ANKS1B: variants seen among roughly 807,000 people sequenced by gnomAD.
The protein encoded by ANKS1B is ankyrin repeat and sterile alpha motif domain containing 1B.
ANKS1B carries 36 observed loss-of-function variants against 148.3 expected under a neutral mutation model. That is an observed-to-expected ratio of 0.24 (90% CI 0.19 to 0.32). The LOEUF (loss-of-function observed/expected upper bound fraction) is 0.32. Among genes scored for constraint, ANKS1B ranks in the 10% least tolerant of loss-of-function variants. ANKS1B has a pLI of 1.00. For synonymous variants in ANKS1B, 542 were observed against 560.8 expected, an observed-to-expected ratio of 0.97 and a Z score of 0.47; for missense variants, 1,157 against 1,542.6, an observed-to-expected ratio of 0.75 and a Z score of 4.19.
intron 1 of ANKS1B, among the ~76,000 whole-genome samples, chr12:99,860,424 G>A (rs1002886145): frequency 6.6e-6 from 1 of 152,224 alleles, no homozygotes; most frequent in Non-Finnish European, 1.5e-5. Flanking sequence ...GGAAGGTGGA[G>A]TTTGATGGGA....
intron 10 of ANKS1B, among the ~76,000 whole-genome samples, chr12:99,500,389 G>A (rs1280233569): frequency 2.6e-5 from 4 of 152,172 alleles, no homozygotes; most frequent in Non-Finnish European, 5.9e-5. Flanking sequence ...AAGGCCTCCA[G>A]TCCATTGCCT....
chr12:99,295,925 A>G (rs2080810959), intron 12 of ANKS1B, among the ~76,000 whole-genome samples: 1 of 152,236 alleles, frequency 6.6e-6, no homozygotes, highest in South Asian at 2.1e-4. Context: ...CCTAACCCAA[A>G]GTCACAAAGT....
chr12:99,419,531 A>G (rs1224750719), intron 11 of ANKS1B, among the ~76,000 whole-genome samples: 1 of 152,212 alleles, frequency 6.6e-6, no homozygotes, highest in Non-Finnish European at 1.5e-5. Context: ...AAATAACAAT[A>G]TAATGATTTA....
intron 12 of ANKS1B, among the ~76,000 whole-genome samples, chr12:99,283,193 C>T (rs770582103): frequency 3.3e-5 from 5 of 152,040 alleles, no homozygotes; most frequent in African/African-American, 4.8e-5. Flanking sequence ...AAAGAAGTAA[C>T]ATGGGAAAGC....
intron 1 of ANKS1B, among the ~76,000 whole-genome samples, chr12:99,855,310 C>CA (rs2088818212): frequency 6.6e-6 from 1 of 151,866 alleles, no homozygotes; most frequent in Non-Finnish European, 1.5e-5. Context: ...TTTAAAAACA[C>CA]AAAAAGGGAC....
chr12:99,465,959 G>C (rs2096101844), intron 10 of ANKS1B, among the ~76,000 whole-genome samples: 2 of 152,066 alleles, frequency 1.3e-5, no homozygotes, highest in Admixed American at 1.3e-4. Flanking sequence ...GACATCTACA[G>C]AACTCTCCAC....
intron 15 of ANKS1B, chr12:99,093,684 A>G (rs1402885689): frequency 6.6e-6 from 1 of 152,202 alleles, no homozygotes; most frequent in East Asian, 1.9e-4. Context: ...AAGGTGGATA[A>G]TTTAGCCCTC....
At chr12:98,908,229 C>G (rs752229871) in intron 17 of ANKS1B, among the ~76,000 whole-genome samples, 2 of 152,158 alleles carry the variant, frequency 1.3e-5, no homozygotes, top group Non-Finnish European at 2.9e-5. Flanking sequence ...CTCACAGTTT[C>G]ATTTTATACC....
intron 14 of ANKS1B, among the ~76,000 whole-genome samples, chr12:99,220,572 A>G (rs149549249): frequency 0.069 from 10,080 of 146,146 alleles, 1,129 homozygotes; most frequent in African/African-American, 0.24. Context: ...TCAGCCTCCC[A>G]AGCAGCTGGG....
At chr12:99,192,236 A>G (rs956740972) in intron 14 of ANKS1B, among the ~76,000 whole-genome samples, 1 of 152,062 alleles carries the variant, frequency 6.6e-6, no homozygotes, top group East Asian at 1.9e-4. Context: ...GCTTTGATAC[A>G]AATTTTATTG....
chr12:98,752,698 CAGG>C (rs1057161381), intron 25 of ANKS1B, among the ~76,000 whole-genome samples: 1 of 152,182 alleles, frequency 6.6e-6, no homozygotes, highest in African/African-American at 2.4e-5. Context: ...CCAGTGGCCC[CAGG>C]AGCCCACACC....
chr12:99,857,251 A>G (rs1026006252), intron 1 of ANKS1B, among the ~76,000 whole-genome samples: 2 of 152,198 alleles, frequency 1.3e-5, no homozygotes, highest in Non-Finnish European at 2.9e-5. Context: ...TTCCAAGCTG[A>G]GAATCAAATC....
intron 15 of ANKS1B, among the ~76,000 whole-genome samples, chr12:99,105,787 A>G (rs1202156979): frequency 6.6e-6 from 1 of 151,674 alleles, no homozygotes; most frequent in Non-Finnish European, 1.5e-5. Context: ...AAAAAAAAAA[A>G]AACTAAAACT....
intron 9 of ANKS1B, among the ~76,000 whole-genome samples, chr12:99,615,795 C>A (rs147195596): frequency 0.015 from 2,338 of 152,118 alleles, 56 homozygotes; most frequent in African/African-American, 0.053. Context: ...CTGGCCAGGG[C>A]AATCAGGCAA....
intron 8 of ANKS1B, among the ~76,000 whole-genome samples, chr12:99,674,120 G>A (rs1011508818): frequency 6.6e-6 from 1 of 151,778 alleles, no homozygotes; most frequent in Non-Finnish European, 1.5e-5. Flanking sequence ...TACATGTCAA[G>A]AGACAAAGGA....
At chr12:98,830,957 T>TTTTTTTTTG (rs2099308918) in intron 18 of ANKS1B, 1 of 135,074 alleles carries the variant, frequency 7.4e-6, no homozygotes. Context: ...TTTTTTTTTT[T>TTTTTTTTTG]TTTTTTTTGA....
At chr12:99,982,406 G>A (rs11110171) in intron 1 of ANKS1B, among the ~76,000 whole-genome samples, 11,045 of 151,488 alleles carry the variant, frequency 0.073, 489 homozygotes, top group South Asian at 0.085. Context: ...TTGTCACAAG[G>A]AGTGTTTTTA....
chr12:99,141,799 T>C (rs556606918), intron 15 of ANKS1B, among the ~76,000 whole-genome samples: 1 of 152,256 alleles, frequency 6.6e-6, no homozygotes, highest in South Asian at 2.1e-4. Context: ...ATGGAGTATA[T>C]GTACTACATT....
chr12:99,416,513 G>C (rs1324290976), intron 11 of ANKS1B, among the ~76,000 whole-genome samples: 1 of 152,132 alleles, frequency 6.6e-6, no homozygotes, highest in Non-Finnish European at 1.5e-5. Flanking sequence ...ATTTAGTGTT[G>C]TCACAATTTT....
Sources: allele counts gnomAD v4.1 joint callset (sites outside exome capture counted in the v4.1 genomes callset), GRCh38; gene constraint gnomAD v4.1.1; transcripts MANE v1.5; gene names NCBI Gene and HGNC (gene_info 2026-07-23, HGNC 2026-07-21).